The following NMU variants were observed in gnomAD, a reference collection of about 807,000 sequenced individuals.
NMU encodes neuromedin-U.
A neutral mutation model predicts 35.4 loss-of-function variants in NMU; 29 were observed. The observed-to-expected ratio is 0.82, with a 90% CI of 0.61 to 1.12. The LOEUF is 1.12. Among genes scored for constraint, NMU ranks in the 50% most tolerant of loss-of-function variants. NMU has a pLI of 0.00. For missense variants in NMU, 199 were observed against 206.2 expected (o/e 0.97, Z 0.21); for synonymous variants, 78 against 81.3 (o/e 0.96, Z 0.22).
intron 1 of NMU, among the ~76,000 whole-genome samples, chr4:55,633,028 A>AATG (rs1715695471): frequency 7.4e-6 from 1 of 134,324 alleles, no homozygotes; most frequent in Non-Finnish European, 1.6e-5. Flanking sequence ...ATTTATAGAA[A>AATG]ACGACTAATA....
At chr4:55,616,909 G>T (rs1409527315) in intron 2 of NMU, among the ~76,000 whole-genome samples, 1 of 152,012 alleles carries the variant, frequency 6.6e-6, no homozygotes, top group African/African-American at 2.4e-5. Context: ...TTATAATGAG[G>T]GTTTATTGAG....
chr4:55,607,331 C>T lies in NMU; in HGVS notation c.327G>A (p.Ser109=), dbSNP rs758761944. 9 of 1,607,130 alleles carry T rather than the reference C, an allele frequency of 5.6e-6. No homozygotes were observed. Among genetic ancestry groups the T allele is most frequent in the South Asian group, 1.1e-5 (1 of 90,806 alleles). ...TTGACTTGCCCAACTTCTGTGTCTT[C>T]GAATAATGAAATAAGAACTGTTTAA... is the stretch of plus-strand genomic sequence containing the variant. ...DNTKRFLFHY[S]KTQKLGKSNV... Residue 109 remains serine (S), a synonymous_variant, in exon 6 of 10, where the codon TCG becomes TCA. Transcript: ENST00000264218.
intron 9 of NMU, among the ~76,000 whole-genome samples, chr4:55,598,433 A>C (rs562440731): frequency 4.6e-5 from 7 of 152,344 alleles, no homozygotes; most frequent in African/African-American, 1.7e-4. Context: ...TAGGATTACA[A>C]AACTTAATAG....
intron 9 of NMU, among the ~76,000 whole-genome samples, chr4:55,598,252 T>C (rs1367483750): frequency 1.3e-5 from 2 of 152,038 alleles, no homozygotes; most frequent in Non-Finnish European, 2.9e-5. Flanking sequence ...CCACCACATC[T>C]GGCTAATTTT....
At chr4:55,606,670 TTC>T (rs1733693414) in intron 6 of NMU, among the ~76,000 whole-genome samples, 1 of 151,334 alleles carries the variant, frequency 6.6e-6, no homozygotes, top group Non-Finnish European at 1.5e-5. Flanking sequence ...GCAGGGATTT[TTC>T]TTTCTTTTCT....
chr4:55,597,663 GC>G (rs1560510271), intron 9 of NMU, among the ~76,000 whole-genome samples: 1 of 152,156 alleles, frequency 6.6e-6, no homozygotes, highest in Non-Finnish European at 1.5e-5. Context: ...ACCGTGCCCA[GC>G]CGCGGGTATA....
At chr4:55,598,403 T>G (rs1671574397) in intron 9 of NMU, among the ~76,000 whole-genome samples, 1 of 152,218 alleles carries the variant, frequency 6.6e-6, no homozygotes, top group Non-Finnish European at 1.5e-5. Flanking sequence ...AAAAAATATG[T>G]TCAGCATAAA....
chr4:55,636,266 C>T lies in NMU; in HGVS notation c.-74G>A, dbSNP rs1054272304. 1.1e-5 allele frequency: 15 copies of T among 1,402,778 alleles called. No homozygotes were observed. The African/African-American group carries it at 1.4e-4, about 13-fold the overall frequency. 86.9% of individuals were successfully genotyped at this position (1,402,778 alleles called of 1,614,324 possible). On this transcript the variant is annotated 5_prime_UTR_variant, in exon 1 of 10. Transcript: ENST00000264218. The surrounding 1 kb of genome is among the most constrained non-coding windows in gnomAD (Gnocchi z 4.0). ...GCGTAGCTGGTGCTCCACCTGGTGCCCTGGCTGTGCCTCGGGGCCCGGACA... is the reference window on the plus strand; with the variant it reads ...GCGTAGCTGGTGCTCCACCTGGTGCTCTGGCTGTGCCTCGGGGCCCGGACA...
intron 1 of NMU, among the ~76,000 whole-genome samples, chr4:55,635,376 T>A (rs1715854357): frequency 6.6e-6 from 1 of 152,230 alleles, no homozygotes; most frequent in Non-Finnish European, 1.5e-5. Flanking sequence ...ATGTCCCTAT[T>A]GTTATCAAAT....
Position 55,600,325 on chromosome 4 carries a change from A to C in NMU, c.489+197T>G, listed in dbSNP as rs780663559. Among the ~76,000 whole-genome samples the C allele has an allele frequency of 6.9e-4, 105 of 152,174 alleles. 1 individual carries two copies. The highest frequency in any genetic ancestry group is 6.3e-4 in the Non-Finnish European group (43 of 68,002). On this transcript the variant is annotated intron_variant, in intron 8 of 9. Coordinates refer to ENST00000264218, the MANE Select transcript of NMU (RefSeq NM_006681.4). The stretch of plus-strand genomic sequence containing the variant: ...TGTTTAAACATGAGCAATAGGTCAA[A>C]GAAGAGATCAGAGATCAGAGATACT...
intron 3 of NMU, among the ~76,000 whole-genome samples, chr4:55,613,410 T>C (rs1734009022): frequency 6.6e-6 from 1 of 152,194 alleles, no homozygotes; most frequent in South Asian, 2.1e-4. Flanking sequence ...AGTGATATGA[T>C]GACTTAGTAT....
chr4:55,599,603 T>C (rs1355234225), intron 8 of NMU, among the ~76,000 whole-genome samples: 3 of 152,168 alleles, frequency 2.0e-5, no homozygotes, highest in Admixed American at 6.5e-5. Context: ...AATTTGCTGT[T>C]AGAATTATTT....
chr4:55,596,077 T>C (rs1391374058), intron 9 of NMU, among the ~76,000 whole-genome samples: 1 of 152,196 alleles, frequency 6.6e-6, no homozygotes, highest in Non-Finnish European at 1.5e-5. Flanking sequence ...ACCAATAAGA[T>C]TTATGAATAA....
chr4:55,605,463 A>G, intron 6 of NMU, 114 bp from the exon 7 acceptor site: 2 of 784,852 alleles, frequency 2.5e-6, no homozygotes, highest in Non-Finnish European at 2.3e-6. Context: ...CAGACAAAAC[A>G]GAAAATTAAA....
intron 7 of NMU, among the ~76,000 whole-genome samples, chr4:55,603,268 TCC>T (rs2110184960): frequency 6.6e-6 from 1 of 152,112 alleles, no homozygotes; most frequent in East Asian, 1.9e-4. Flanking sequence ...CACCTCGGGC[TCC>T]CAAAGTGCTG....
intron 9 of NMU, among the ~76,000 whole-genome samples, chr4:55,595,644 T>TATATATA (rs1491159315): frequency 3.7e-5 from 2 of 53,648 alleles, no homozygotes; most frequent in African/African-American, 1.5e-4. Flanking sequence ...TATATATATA[T>TATATATA]TTTTTTTTTT....
chr4:55,630,977 T>C (rs965005669), intron 1 of NMU, among the ~76,000 whole-genome samples: 1 of 152,074 alleles, frequency 6.6e-6, no homozygotes, highest in Non-Finnish European at 1.5e-5. Flanking sequence ...GGTATAAAAA[T>C]AGGCATTTAG....
intron 3 of NMU, among the ~76,000 whole-genome samples, chr4:55,610,711 G>A (rs116237106): frequency 6.6e-6 from 1 of 152,260 alleles, no homozygotes; most frequent in African/African-American, 2.4e-5. Flanking sequence ...TATGTACATA[G>A]TGTTTCAATA....
At chr4:55,606,635 G>C (rs1348305334) in intron 6 of NMU, among the ~76,000 whole-genome samples, 1 of 150,242 alleles carries the variant, frequency 6.7e-6, no homozygotes, top group Non-Finnish European at 1.5e-5. Context: ...TTATTTTCTT[G>C]GTCTTTAGAA....
Sources: gnomAD v4.1 joint callset for allele counts (sites outside exome capture counted in the v4.1 genomes callset) on GRCh38, gnomAD v4.1.1 for gene constraint, Gnocchi (gnomAD v3.1) non-coding constraint, MANE v1.5 for transcripts, NCBI Gene and HGNC (gene_info 2026-07-23, HGNC 2026-07-21) for gene names.